ANAPC10: variants seen among roughly 807,000 people sequenced by gnomAD.
ANAPC10 encodes the protein anaphase-promoting complex subunit 10.
A neutral mutation model predicts 22.0 loss-of-function variants in ANAPC10; 12 were observed. The ratio of observed to expected loss-of-function variants is 0.55; its 90% confidence interval spans 0.35 to 0.88. The LOEUF (loss-of-function observed/expected upper bound fraction) is 0.88. ANAPC10 is among the 40% of genes least tolerant of loss of function. ANAPC10 has a pLI of 0.01. For synonymous variants in ANAPC10, 65 were observed against 69.5 expected (o/e 0.94, Z 0.32); for missense variants, 188 against 220.9 (o/e 0.85, Z 0.94).
intron 4 of ANAPC10, among the ~76,000 whole-genome samples, chr4:145,041,677 C>A (rs1187416132): frequency 6.6e-6 from 1 of 152,162 alleles, no homozygotes; most frequent in Non-Finnish European, 1.5e-5. Flanking sequence ...GAGAATAAGA[C>A]AACTAATAAG....
intron 4 of ANAPC10, among the ~76,000 whole-genome samples, chr4:145,027,666 G>GT (rs1736962743): frequency 6.6e-6 from 1 of 152,222 alleles, no homozygotes; most frequent in South Asian, 2.1e-4. Context: ...AAGTGGCATT[G>GT]TATTTCTCAA....
intron 2 of ANAPC10, among the ~76,000 whole-genome samples, chr4:145,090,859 A>T (rs1747570473): frequency 6.6e-6 from 1 of 152,230 alleles, no homozygotes; most frequent in South Asian, 2.1e-4. Context: ...AGTCCTTGAC[A>T]GTAAAGATTG....
At chr4:145,098,492 T>G (rs894551811), upstream of ANAPC10, 5 of 152,382 alleles carry the variant, frequency 3.3e-5, no homozygotes, top group Admixed American at 1.3e-4. Context: ...AGGGACGTTC[T>G]CCGAGAGCCT....
At chr4:145,089,658 T>C (rs1369727019) in intron 2 of ANAPC10, among the ~76,000 whole-genome samples, 1 of 152,166 alleles carries the variant, frequency 6.6e-6, no homozygotes, top group East Asian at 1.9e-4. Context: ...GAATGAAATA[T>C]TGAACCATTA....
chr4:145,027,559 A>G (rs1053224487), intron 4 of ANAPC10, among the ~76,000 whole-genome samples: 12 of 152,180 alleles, frequency 7.9e-5, no homozygotes, highest in African/African-American at 2.9e-4. Context: ...ATATGCAATA[A>G]GGCACAGCAT....
At chr4:145,017,284 A>G (rs935966368) in intron 4 of ANAPC10, among the ~76,000 whole-genome samples, 16 of 152,332 alleles carry the variant, frequency 1.1e-4, no homozygotes, top group Middle Eastern at 6.8e-3. Context: ...AGAAAAAAAA[A>G]CAACCCCATC....
intron 4 of ANAPC10, among the ~76,000 whole-genome samples, chr4:145,027,602 T>C (rs1736953256): frequency 6.6e-6 from 1 of 152,038 alleles, no homozygotes; most frequent in African/African-American, 2.4e-5. Context: ...GATAAGGAGA[T>C]TATAAAAGCT....
intron 3 of ANAPC10, among the ~76,000 whole-genome samples, chr4:145,070,509 G>T (rs1188571199): frequency 6.6e-6 from 1 of 152,216 alleles, no homozygotes; most frequent in Non-Finnish European, 1.5e-5. Flanking sequence ...TGTTGGCATG[G>T]ATGTGGAGAA....
intron 2 of ANAPC10, among the ~76,000 whole-genome samples, chr4:145,084,812 G>A (rs190175798): frequency 3.5e-4 from 53 of 152,232 alleles, no homozygotes; most frequent in Admixed American, 5.9e-4. Context: ...CTGGTTTGAA[G>A]ATTAGGACAA....
At chr4:145,001,384 A>AT in intron 4 of ANAPC10, among the ~76,000 whole-genome samples, 1 of 152,158 alleles carries the variant, frequency 6.6e-6, no homozygotes, top group Admixed American at 6.5e-5. Context: ...ATACTGCATG[A>AT]TTTTGCTTAG....
chr4:145,044,954 G>T (rs1186242598), intron 4 of ANAPC10, among the ~76,000 whole-genome samples: 1 of 151,792 alleles, frequency 6.6e-6, no homozygotes, highest in African/African-American at 2.4e-5. Context: ...TTTTATAGAA[G>T]TTCACTATAA....
chr4:145,056,795 T>A (rs181168895), intron 4 of ANAPC10, among the ~76,000 whole-genome samples: 6 of 152,340 alleles, frequency 3.9e-5, no homozygotes, highest in African/African-American at 1.4e-4. Context: ...ATGTTTTCCT[T>A]ATAAGAGGGA....
intron 2 of ANAPC10, among the ~76,000 whole-genome samples, chr4:145,095,275 CA>C (rs1197650154): frequency 6.6e-6 from 1 of 152,158 alleles, no homozygotes; most frequent in Admixed American, 6.5e-5. Flanking sequence ...ATTCCAGAAA[CA>C]AACAATTGGT....
chr4:145,026,550 G>C (rs1736686373), intron 4 of ANAPC10, among the ~76,000 whole-genome samples: 1 of 151,920 alleles, frequency 6.6e-6, no homozygotes, highest in Non-Finnish European at 1.5e-5. Flanking sequence ...GAGGCTTCCA[G>C]ACTGGCTACA....
intron 3 of ANAPC10, among the ~76,000 whole-genome samples, chr4:145,066,224 T>C (rs1743661341): frequency 6.6e-6 from 1 of 152,084 alleles, no homozygotes; most frequent in Admixed American, 6.6e-5. Context: ...AGTTAAGCAC[T>C]TTTCCTCGGA....
chr4:145,040,427 C>T (rs1037737570), intron 4 of ANAPC10, among the ~76,000 whole-genome samples: 4 of 152,196 alleles, frequency 2.6e-5, no homozygotes, highest in Admixed American at 1.3e-4. Flanking sequence ...GGATTACAGG[C>T]GTGGGCCACC....
intron 4 of ANAPC10, among the ~76,000 whole-genome samples, chr4:145,012,187 T>TATATATATATATAC (rs1553963636): frequency 6.8e-6 from 1 of 148,128 alleles, no homozygotes; most frequent in African/African-American, 2.5e-5. Flanking sequence ...TATATATATA[T>TATATATATATATAC]ATATATATAC....
rs1217213875 is a variant in ANAPC10, at chr4:144,994,602, A to AT, written c.*770_*771insA. 1.3e-5 allele frequency: 2 copies of AT among 152,112 alleles called. No homozygotes were observed. Among genetic ancestry groups the AT allele is most frequent in the Admixed American group, 6.5e-5 (1 of 15,268 alleles). The allele number at this position is 152,112 out of a possible 1,614,324, so 9.4% of individuals were successfully genotyped here. Reference sequence around the variant, plus strand: ...TTCTTTAAAATCTTTTAATATATATAAAAAATTTCACATACTTTTACGATT... The same window carrying AT: ...TTCTTTAAAATCTTTTAATATATATATAAAAATTTCACATACTTTTACGATT... On this transcript the variant is annotated 3_prime_UTR_variant, in exon 5 of 5. Transcript: ENST00000507656.
At chr4:145,077,591 T>G (rs1174449459) in intron 3 of ANAPC10, among the ~76,000 whole-genome samples, 1 of 152,024 alleles carries the variant, frequency 6.6e-6, no homozygotes, top group Non-Finnish European at 1.5e-5. Flanking sequence ...AGGCCAATAT[T>G]CTTGATGAAC....
Sources: gnomAD v4.1 joint callset for allele counts (sites outside exome capture counted in the v4.1 genomes callset) on GRCh38, gnomAD v4.1.1 for gene constraint, MANE v1.5 for transcripts, NCBI Gene and HGNC (gene_info 2026-07-23, HGNC 2026-07-21) for gene names.